Variants in GRHL2 observed in about 807,000 individuals in gnomAD.
The protein encoded by GRHL2 is grainyhead like transcription factor 2, also known as grainyhead-like protein 2 homolog.
Under a neutral mutation model 83.8 loss-of-function variants are expected in GRHL2, and 21 were observed. The ratio of observed to expected loss-of-function variants is 0.25; its 90% CI spans 0.18 to 0.36. The LOEUF (loss-of-function observed/expected upper bound fraction) is 0.36. Among genes scored for constraint, GRHL2 ranks in the 10% least tolerant of loss-of-function variants. The pLI is 1.00. For synonymous variants in GRHL2, 280 were observed against 278.9 expected (o/e 1.00, Z -0.04); for missense variants, 623 against 781.8 (o/e 0.80, Z 2.42).
At chr8:101,511,340 G>T (rs560043) in intron 1 of GRHL2, among the ~76,000 whole-genome samples, 149,331 of 152,274 alleles carry the variant, frequency 0.98, 73,313 homozygotes, top group Non-Finnish European at 1. Flanking sequence ...AATGCTACTT[G>T]AATTTATAAT....
At chr8:101,662,860 C>CATAT (rs34202494) in intron 14 of GRHL2, among the ~76,000 whole-genome samples, 1,731 of 146,156 alleles carry the variant, frequency 0.012, 31 homozygotes, top group African/African-American at 0.033. Flanking sequence ...TATGTACTTA[C>CATAT]ATATATATAC....
chr8:101,655,715 A>G (rs970739044), intron 14 of GRHL2, among the ~76,000 whole-genome samples: 1 of 152,032 alleles, frequency 6.6e-6, no homozygotes, highest in African/African-American at 2.4e-5. Context: ...TATTACATCA[A>G]TCAAGCCATC....
At chr8:101,511,609 A>ATTTGG (rs1810467266) in intron 1 of GRHL2, among the ~76,000 whole-genome samples, 3 of 151,580 alleles carry the variant, frequency 2.0e-5, no homozygotes, top group African/African-American at 7.3e-5. Flanking sequence ...TTGGCCTTCC[A>ATTTGG]AAGTACTGGG....
rs1226294385 is a variant in GRHL2, at chr8:101,644,222, C to T, written c.1609C>T (p.Arg537Ter). 1 of 1,612,240 alleles carries T rather than the reference C, an allele frequency of 6.2e-7. No individual in the cohort carries two copies. Among genetic ancestry groups the T allele is most frequent in the Admixed American group, 1.7e-5 (1 of 59,982 alleles). The change falls in exon 13 of 16, where the codon CGA becomes TGA. Residue 537 changes from arginine to a stop codon, truncating the protein, a stop_gained. Transcript: ENST00000646743. LOFTEE classifies it high-confidence loss of function. Reference protein sequence around the residue: ...SKQMKEEGTKRVLLYVRKETD... With the variant: ...SKQMKEEGTK ...GCAGATGAAAGAAGAAGGGACAAAG[C>T]GAGGTATCTCTCCTGCTGGGGCATG...
intron 1 of GRHL2, among the ~76,000 whole-genome samples, chr8:101,517,937 G>C (rs1053418786): frequency 6.6e-6 from 1 of 152,068 alleles, no homozygotes; most frequent in Non-Finnish European, 1.5e-5. Flanking sequence ...CAGGCAACTC[G>C]GGCTCACCAG....
chr8:101,626,538 C>T (rs1813083423), intron 9 of GRHL2, among the ~76,000 whole-genome samples: 1 of 151,878 alleles, frequency 6.6e-6, no homozygotes, highest in African/African-American at 2.4e-5. Flanking sequence ...GAAATAAAGC[C>T]ACATTCTTAA....
chr8:101,604,822 C>T (rs563713265), intron 8 of GRHL2, among the ~76,000 whole-genome samples: 2 of 152,296 alleles, frequency 1.3e-5, no homozygotes, highest in Admixed American at 6.5e-5. Flanking sequence ...TGGCCATCTC[C>T]GATCTTTATG....
intron 7 of GRHL2, among the ~76,000 whole-genome samples, chr8:101,591,363 T>C (rs1453326425): frequency 1.3e-5 from 2 of 152,216 alleles, no homozygotes; most frequent in Non-Finnish European, 1.5e-5. Context: ...TCTTTCGATC[T>C]TCACAGTGCT....
intron 12 of GRHL2, 73 bp from the exon 13 acceptor site, chr8:101,644,058 A>G: frequency 7.8e-7 from 1 of 1,289,724 alleles, no homozygotes; most frequent in Non-Finnish European, 1.1e-6. Flanking sequence ...AAAGACAGAA[A>G]CGGACACACA....
intron 15 of GRHL2, 48 bp from the exon 16 acceptor site, chr8:101,666,541 T>G: frequency 9.0e-7 from 1 of 1,114,840 alleles, no homozygotes; most frequent in Non-Finnish European, 1.4e-6. Context: ...CCTGGGCACA[T>G]TGTTCACGGC....
chr8:101,554,514 T>C (rs1811452357), intron 3 of GRHL2, among the ~76,000 whole-genome samples: 2 of 150,868 alleles, frequency 1.3e-5, no homozygotes, highest in South Asian at 4.1e-4. Flanking sequence ...GTGATTTTCA[T>C]AGAGCACTTT....
At position 101,556,281 on chromosome 8, in the gene GRHL2, T is replaced by C. The variant is rs1386457167; in HGVS notation, c.285-2138T>C. 2.0e-5 allele frequency among the ~76,000 whole-genome samples: 3 copies of C among 152,044 alleles called. No homozygotes were observed. In the South Asian group the frequency reaches 6.2e-4, roughly 32 times the overall value. Reference sequence around the variant, plus strand: ...CTCAGAAGAGCAAATTTTAAGAGAATAGCCCTCACAATGAGAGATGCCACA... The same window carrying C: ...CTCAGAAGAGCAAATTTTAAGAGAACAGCCCTCACAATGAGAGATGCCACA... On this transcript the variant is annotated intron_variant, in intron 3 of 15. Coordinates refer to ENST00000646743, the MANE Select transcript of GRHL2 (RefSeq NM_024915.4).
intron 2 of GRHL2, among the ~76,000 whole-genome samples, chr8:101,550,092 T>C (rs1811347096): frequency 6.6e-6 from 1 of 151,670 alleles, no homozygotes; most frequent in Non-Finnish European, 1.5e-5. Flanking sequence ...GCCAGTGGAA[T>C]TTCTTTCTCC....
At chr8:101,632,396 A>G in intron 11 of GRHL2, 31 bp downstream of exon 11, 3 of 1,613,426 alleles carry the variant, frequency 1.9e-6, no homozygotes, top group East Asian at 2.2e-5. Context: ...CCCACCTCCC[A>G]TCCATCCACA....
At position 101,667,411 on chromosome 8, in the gene GRHL2, G is replaced by A; in HGVS notation, c.*708G>A. 6.5e-6 allele frequency: 1 copy of A among 154,086 alleles called. No homozygotes were observed. Among genetic ancestry groups the A allele is most frequent in the Non-Finnish European group, 1.4e-5 (1 of 68,974 alleles). 9.5% of individuals were successfully genotyped at this position (154,086 alleles called of 1,614,324 possible). On this transcript the variant is annotated 3_prime_UTR_variant, in exon 16 of 16. Coordinates refer to ENST00000646743, the MANE Select transcript of GRHL2 (RefSeq NM_024915.4). Reference sequence around the variant, plus strand: ...GGGCATGTTTACTGCCACTGGCCTAGAGGAGACACAGACCTGGAGACCGTT... The same window carrying A: ...GGGCATGTTTACTGCCACTGGCCTAAAGGAGACACAGACCTGGAGACCGTT...
chr8:101,505,340 G>A (rs921418950), intron 1 of GRHL2, among the ~76,000 whole-genome samples: 2 of 152,158 alleles, frequency 1.3e-5, no homozygotes, highest in East Asian at 1.9e-4. Flanking sequence ...CACTTAGGGA[G>A]GCCGAGGCGG....
At chr8:101,505,231 C>T in intron 1 of GRHL2, among the ~76,000 whole-genome samples, 1 of 152,048 alleles carries the variant, frequency 6.6e-6, no homozygotes, top group East Asian at 1.9e-4. Context: ...TTCTTCAAAC[C>T]TCAAATACTA....
chr8:101,651,788 G>C (rs1041958784), intron 14 of GRHL2, among the ~76,000 whole-genome samples: 3 of 152,156 alleles, frequency 2.0e-5, no homozygotes, highest in Non-Finnish European at 4.4e-5. Context: ...AGGTTCCCTA[G>C]GCTGGCTCTG....
intron 1 of GRHL2, among the ~76,000 whole-genome samples, chr8:101,518,909 TG>T (rs904100750): frequency 6.6e-6 from 1 of 152,240 alleles, no homozygotes; most frequent in Non-Finnish European, 1.5e-5. Flanking sequence ...CTGTCTCCTG[TG>T]CTGCTGTTTG....
Sources: allele counts gnomAD v4.1 joint callset (sites outside exome capture counted in the v4.1 genomes callset), GRCh38; gene constraint gnomAD v4.1.1; transcripts MANE v1.5; gene names NCBI Gene and HGNC (gene_info 2026-07-23, HGNC 2026-07-21).